Variants in FHOD3 observed in about 807,000 individuals in gnomAD.
The protein encoded by FHOD3 is FH1/FH2 domain-containing protein 3.
In FHOD3, 90 loss-of-function variants were observed where a neutral mutation model predicts 173.0. The observed-to-expected ratio is 0.52, with a 90% CI of 0.44 to 0.62. FHOD3 has a LOEUF of 0.62. Ranked by LOEUF, FHOD3 falls within the 20% of genes least tolerant of loss-of-function variation. FHOD3 has a pLI of 0.00. For missense variants in FHOD3, 1,945 were observed against 2,034.7 expected, an observed-to-expected ratio of 0.96 and a Z score of 0.85; for synonymous variants, 828 against 823.0, an observed-to-expected ratio of 1.01 and a Z score of -0.10.
chr18:36,352,645 C>T (rs2046184995), intron 1 of FHOD3, among the ~76,000 whole-genome samples: 4 of 152,044 alleles, frequency 2.6e-5, no homozygotes, highest in Admixed American at 1.3e-4. Flanking sequence ...TGACTCAGAC[C>T]TCCTTGAGGA....
At chr18:36,353,417 C>T (rs2046222170) in intron 1 of FHOD3, among the ~76,000 whole-genome samples, 1 of 152,196 alleles carries the variant, frequency 6.6e-6, no homozygotes, top group African/African-American at 2.4e-5. Flanking sequence ...AACAAGATGA[C>T]AGTTTGCATT....
At chr18:36,501,677 T>C (rs187464803) in intron 3 of FHOD3, among the ~76,000 whole-genome samples, 1 of 152,232 alleles carries the variant, frequency 6.6e-6, no homozygotes, top group Admixed American at 6.5e-5. Context: ...TTTCTACCTG[T>C]TTGAGAGGGA....
chr18:36,439,545 GTGT>G (rs2051012630), intron 3 of FHOD3, among the ~76,000 whole-genome samples: 1 of 151,692 alleles, frequency 6.6e-6, no homozygotes, highest in Non-Finnish European at 1.5e-5. Context: ...GTGTGTGTGT[GTGT>G]GTGTGTGTGT....
At chr18:36,605,833 T>C (rs186912652) in intron 8 of FHOD3, among the ~76,000 whole-genome samples, 67 of 152,338 alleles carry the variant, frequency 4.4e-4, no homozygotes, top group African/African-American at 1.6e-3. Flanking sequence ...TGGGAAATTA[T>C]ATTGCAAGTT....
intron 1 of FHOD3, among the ~76,000 whole-genome samples, chr18:36,311,997 C>T (rs140299143): frequency 3.0e-3 from 452 of 152,298 alleles, no homozygotes; most frequent in Non-Finnish European, 4.0e-3. Flanking sequence ...TTCTTCCACC[C>T]TTCAACCCTC....
intron 13 of FHOD3, 105 bp from the exon 14 acceptor site, chr18:36,657,969 AC>A (rs1427027124): frequency 3.9e-6 from 3 of 776,238 alleles, no homozygotes; most frequent in East Asian, 5.7e-5. Flanking sequence ...GCATTTCCAG[AC>A]CTGTTTCTCT....
intron 6 of FHOD3, among the ~76,000 whole-genome samples, chr18:36,580,704 G>T (rs1428466273): frequency 6.6e-6 from 1 of 152,186 alleles, no homozygotes; most frequent in African/African-American, 2.4e-5. Context: ...AAATTGAAAA[G>T]AACAACAGAT....
At chr18:36,355,676 T>A (rs1568164038) in intron 2 of FHOD3, 31 bp downstream of exon 2, 1 of 1,580,790 alleles carries the variant, frequency 6.3e-7, no homozygotes. Flanking sequence ...TGCTGACTGG[T>A]CCCCACCTAC....
intron 5 of FHOD3, among the ~76,000 whole-genome samples, chr18:36,561,561 T>G (rs1329171951): frequency 6.6e-6 from 1 of 152,228 alleles, no homozygotes; most frequent in African/African-American, 2.4e-5. Context: ...ACTTTTTTAT[T>G]GTGGATATAT....
At chr18:36,762,849 CAT>C (rs1238082851) in intron 27 of FHOD3, among the ~76,000 whole-genome samples, 8 of 146,352 alleles carry the variant, frequency 5.5e-5, no homozygotes, top group South Asian at 4.3e-4. Context: ...AATATATAAT[CAT>C]ATATATTATA....
intron 3 of FHOD3, among the ~76,000 whole-genome samples, chr18:36,388,538 A>G (rs1204169715): frequency 6.6e-6 from 1 of 152,098 alleles, no homozygotes; most frequent in African/African-American, 2.4e-5. Flanking sequence ...AGGATTCAGG[A>G]TTACTTTTCT....
At chr18:36,468,611 T>A (rs1240458143) in intron 3 of FHOD3, among the ~76,000 whole-genome samples, 1 of 152,100 alleles carries the variant, frequency 6.6e-6, no homozygotes, top group Non-Finnish European at 1.5e-5. Context: ...CAGTGGGATT[T>A]TAGTGATCCT....
intron 3 of FHOD3, among the ~76,000 whole-genome samples, chr18:36,479,844 C>A (rs1431731700): frequency 1.3e-5 from 2 of 152,126 alleles, no homozygotes; most frequent in African/African-American, 4.8e-5. Context: ...GGCACTGATG[C>A]CCTGCCACGC....
At chr18:36,549,669 C>T (rs2057562374) in intron 5 of FHOD3, among the ~76,000 whole-genome samples, 1 of 149,320 alleles carries the variant, frequency 6.7e-6, no homozygotes, top group Non-Finnish European at 1.5e-5. Flanking sequence ...TCCCAAGGAG[C>T]TGGGACTACA....
In FHOD3 at chr18:36,780,171, G is replaced by A. The variant is rs1454056516; in HGVS notation, c.*641G>A. 2 of 1,231,862 alleles carry A rather than the reference G, an allele frequency of 1.6e-6. No individual in the cohort carries two copies. The highest frequency in any genetic ancestry group is 6.3e-5 in the East Asian group (2 of 31,702). The allele number at this position is 1,231,862 out of a possible 1,614,324, so 76.3% of individuals were successfully genotyped here. ...CTCAGAAGCACCCTCGCTTGGAACGGCCTTCAGATCCTTTGGGCTGTATTT... is the reference window on the plus strand; with the variant it reads ...CTCAGAAGCACCCTCGCTTGGAACGACCTTCAGATCCTTTGGGCTGTATTT... On this transcript the variant is annotated 3_prime_UTR_variant, in exon 29 of 29. Transcript: ENST00000590592.
At chr18:36,610,464 C>G (rs188793543) in intron 8 of FHOD3, among the ~76,000 whole-genome samples, 1 of 152,204 alleles carries the variant, frequency 6.6e-6, no homozygotes, top group Non-Finnish European at 1.5e-5. Context: ...TGCTGTCATA[C>G]GTGGCGTGGC....
In FHOD3 at chr18:36,718,327, A is replaced by C; in HGVS notation, c.3029A>C (p.Asp1010Ala). Residue 1010 changes from aspartate (D) to alanine (A), a missense_variant, in exon 19 of 29, where the codon GAT (aspartate) becomes GCT (alanine). Asp to Ala is a moderately radical substitution (Grantham distance 126). Transcript: ENST00000590592. Reference protein sequence around the residue: ...LGEEDDIDVLDVDLGHREAPG... With the variant: ...LGEEDDIDVLAVDLGHREAPG... Reference sequence around the variant, plus strand: ...GAGGAGGATGACATTGATGTCCTAGATGTGGACCTGGGTCACAGGGAGGCC... The same window carrying C: ...GAGGAGGATGACATTGATGTCCTAGCTGTGGACCTGGGTCACAGGGAGGCC... The C allele has an allele frequency of 6.2e-7, 1 of 1,613,944 alleles. No individual in the cohort carries two copies. The highest frequency in any genetic ancestry group is 8.5e-7 in the Non-Finnish European group (1 of 1,179,966).
intron 25 of FHOD3, among the ~76,000 whole-genome samples, chr18:36,758,578 G>A (rs950404239): frequency 6.6e-5 from 10 of 152,160 alleles, no homozygotes; most frequent in African/African-American, 2.2e-4. Flanking sequence ...GCCTGCATAT[G>A]GAAGGACCAG....
chr18:36,716,918 G>A (rs1157590128), intron 18 of FHOD3, among the ~76,000 whole-genome samples: 3 of 139,764 alleles, frequency 2.1e-5, no homozygotes, highest in Non-Finnish European at 4.6e-5. Context: ...ATGTGTATGT[G>A]TGTGTGTGTG....
Sources: gnomAD v4.1 joint callset for allele counts (sites outside exome capture counted in the v4.1 genomes callset) on GRCh38, gnomAD v4.1.1 for gene constraint, MANE v1.5 for transcripts, NCBI Gene and HGNC (gene_info 2026-07-23, HGNC 2026-07-21) for gene names.